CDH20: variants seen among roughly 807,000 people sequenced by gnomAD.
The protein encoded by CDH20 is cadherin-20.
Under a neutral mutation model 74.2 loss-of-function variants are expected in CDH20, and 29 were observed. That is an observed-to-expected ratio of 0.39 (90% confidence interval 0.29 to 0.53). The LOEUF (loss-of-function observed/expected upper bound fraction) is 0.53. Ranked by LOEUF, CDH20 falls within the 20% of genes least tolerant of loss-of-function variation. The probability of loss-of-function intolerance (pLI) is 0.69; values close to 1 mark genes in which losing one functional copy is unlikely to be tolerated. For synonymous variants in CDH20, 469 were observed against 405.4 expected (o/e 1.16, Z -1.88); for missense variants, 988 against 1,048.3 (o/e 0.94, Z 0.79).
intron 7 of CDH20, among the ~76,000 whole-genome samples, chr18:61,533,608 T>C (rs532931541): frequency 6.6e-6 from 1 of 152,350 alleles, no homozygotes; most frequent in Non-Finnish European, 1.5e-5. Flanking sequence ...TCCTTTGTTG[T>C]GCAGAAGTTT....
At chr18:61,381,117 A>G (rs576014422) in intron 1 of CDH20, among the ~76,000 whole-genome samples, 5 of 152,288 alleles carry the variant, frequency 3.3e-5, no homozygotes, top group East Asian at 1.9e-4. Context: ...GTGCTTACCT[A>G]TGTGCTTATT....
chr18:61,363,324 G>A (rs187529963), intron 1 of CDH20, among the ~76,000 whole-genome samples: 1 of 152,046 alleles, frequency 6.6e-6, no homozygotes, highest in Admixed American at 6.6e-5. Context: ...TTATTGAGCT[G>A]TGTACTTTTT....
chr18:61,359,598 A>G (rs1290856123), intron 1 of CDH20, among the ~76,000 whole-genome samples: 1 of 152,070 alleles, frequency 6.6e-6, no homozygotes, highest in Non-Finnish European at 1.5e-5. Flanking sequence ...AAACTAAGAT[A>G]TGTGCTTCTT....
intron 1 of CDH20, among the ~76,000 whole-genome samples, chr18:61,351,307 G>A (rs532916631): frequency 6.6e-6 from 1 of 152,198 alleles, no homozygotes; most frequent in South Asian, 2.1e-4. Context: ...CCATCCTCTG[G>A]TAAGCTCCTG....
intron 1 of CDH20, among the ~76,000 whole-genome samples, chr18:61,405,580 C>T (rs1912304816): frequency 6.6e-6 from 1 of 152,048 alleles, no homozygotes; most frequent in Admixed American, 6.6e-5. Flanking sequence ...GAGCAAGACC[C>T]CATCTCTAAA....
chr18:61,468,007 G>A (rs1568151316), intron 1 of CDH20, among the ~76,000 whole-genome samples: 2 of 151,970 alleles, frequency 1.3e-5, no homozygotes, highest in South Asian at 4.2e-4. Context: ...GCACAAAGAG[G>A]TTAAGTACTT....
chr18:61,338,598 G>T (rs6567206), intron 1 of CDH20, among the ~76,000 whole-genome samples: 14,612 of 152,122 alleles, frequency 0.096, 1,878 homozygotes, highest in African/African-American at 0.3. Context: ...CACTATAAAA[G>T]AGTAAAGGAA....
At chr18:61,421,762 A>G (rs892368090) in intron 1 of CDH20, among the ~76,000 whole-genome samples, 3 of 152,160 alleles carry the variant, frequency 2.0e-5, no homozygotes, top group Admixed American at 6.5e-5. Context: ...TGTATACCTA[A>G]TATGTATCAA....
At chr18:61,408,770 C>G (rs533178698) in intron 1 of CDH20, among the ~76,000 whole-genome samples, 2 of 152,296 alleles carry the variant, frequency 1.3e-5, no homozygotes, top group South Asian at 4.1e-4. Context: ...ATTTAGCCAA[C>G]TGTGGAAGCC....
At chr18:61,347,723 T>C (rs1369045572) in intron 1 of CDH20, among the ~76,000 whole-genome samples, 1 of 152,210 alleles carries the variant, frequency 6.6e-6, no homozygotes, top group East Asian at 1.9e-4. Context: ...AAATAATAAT[T>C]TACCTTGGAA....
At chr18:61,512,980 T>C (rs1437642114) in intron 6 of CDH20, among the ~76,000 whole-genome samples, 1 of 152,122 alleles carries the variant, frequency 6.6e-6, no homozygotes, top group African/African-American at 2.4e-5. Context: ...GTATATTCTG[T>C]TGATTTGGGG....
At chr18:61,346,539 T>C (rs1349659439) in intron 1 of CDH20, among the ~76,000 whole-genome samples, 1 of 148,708 alleles carries the variant, frequency 6.7e-6, no homozygotes, top group East Asian at 1.9e-4. Flanking sequence ...ACAAGTATTC[T>C]TTATTTATGA....
intron 1 of CDH20, among the ~76,000 whole-genome samples, chr18:61,485,166 C>A (rs539482857): frequency 6.6e-6 from 1 of 152,254 alleles, no homozygotes; most frequent in East Asian, 1.9e-4. Context: ...TTAAGCATTC[C>A]TTTTCTTCTT....
chr18:61,352,154 C>T (rs1910326083), intron 1 of CDH20, among the ~76,000 whole-genome samples: 1 of 152,156 alleles, frequency 6.6e-6, no homozygotes, highest in Admixed American at 6.5e-5. Context: ...TCTTAATAAA[C>T]CATAATGAAC....
chr18:61,467,237 A>G (rs1425027593), intron 1 of CDH20, among the ~76,000 whole-genome samples: 1 of 152,186 alleles, frequency 6.6e-6, no homozygotes, highest in South Asian at 2.1e-4. Flanking sequence ...TGCAAATTGT[A>G]GTATTGGAAA....
intron 1 of CDH20, among the ~76,000 whole-genome samples, chr18:61,488,525 C>T (rs1390441261): frequency 1.3e-5 from 2 of 152,080 alleles, no homozygotes; most frequent in African/African-American, 4.8e-5. Flanking sequence ...GAATTATTGG[C>T]CCTGCTTAAT....
chr18:61,540,850 C>T (rs1913009908), intron 9 of CDH20, among the ~76,000 whole-genome samples: 1 of 152,146 alleles, frequency 6.6e-6, no homozygotes, highest in Non-Finnish European at 1.5e-5. Context: ...ATTTACTCAG[C>T]CAAAGCAAAA....
chr18:61,439,457 T>A (rs1197644238), intron 1 of CDH20, among the ~76,000 whole-genome samples: 8 of 152,126 alleles, frequency 5.3e-5, no homozygotes, highest in Non-Finnish European at 1.0e-4. Flanking sequence ...ATGTCTAGAT[T>A]CTGAAACTCT....
At chr18:61,515,989 A>C (rs1284454797) in intron 6 of CDH20, among the ~76,000 whole-genome samples, 1 of 152,162 alleles carries the variant, frequency 6.6e-6, no homozygotes, top group East Asian at 1.9e-4. Flanking sequence ...CAGTACCAAC[A>C]ATGTGTAGAA....
Sources: allele counts gnomAD v4.1 joint callset (sites outside exome capture counted in the v4.1 genomes callset), GRCh38; gene constraint gnomAD v4.1.1; transcripts MANE v1.5; gene names NCBI Gene and HGNC (gene_info 2026-07-23, HGNC 2026-07-21).